The following CFAP57 variants were observed in gnomAD, a reference collection of about 807,000 sequenced individuals.
CFAP57 encodes cilia- and flagella-associated protein 57.
A neutral mutation model predicts 146.8 loss-of-function variants in CFAP57; 116 were observed. The observed-to-expected ratio is 0.79, with a 90% CI of 0.68 to 0.92. The LOEUF is 0.92. Ranked by LOEUF, CFAP57 falls within the 40% of genes least tolerant of loss-of-function variation. CFAP57 has a pLI of 0.00. For synonymous variants in CFAP57, 518 were observed against 552.8 expected (o/e 0.94, Z 0.88); for missense variants, 1,377 against 1,527.2 (o/e 0.90, Z 1.64).
intron 5 of CFAP57, 134 bp from the exon 6 acceptor site, chr1:43,186,573 T>C: frequency 4.4e-6 from 4 of 908,900 alleles, no homozygotes; most frequent in Non-Finnish European, 6.4e-6. Flanking sequence ...ATAGTGCCAC[T>C]GCACTCTGGC....
At chr1:43,224,344 G>A (rs1477988971) in intron 17 of CFAP57, 140 bp downstream of exon 17, 2 of 1,015,806 alleles carry the variant, frequency 2.0e-6, no homozygotes, top group South Asian at 2.0e-5. Flanking sequence ...TCAGTGAAGT[G>A]CCTGTTGTGT....
Position 43,199,518 on chromosome 1 carries a change from A to G in CFAP57, c.1542+15A>G, listed in dbSNP as rs754519729. ...ACACAGGGAAGGTAAGTGAGTGAACAGTCTCTGGGGAAACAAGGGGCACGG... is the reference window on the plus strand; with the variant it reads ...ACACAGGGAAGGTAAGTGAGTGAACGGTCTCTGGGGAAACAAGGGGCACGG... On this transcript the variant is annotated intron_variant, in intron 9 of 22. Coordinates refer to ENST00000372492, the MANE Select transcript of CFAP57 (RefSeq NM_001378189.1). 33 of 1,613,332 alleles carry G rather than the reference A, an allele frequency of 2.0e-5. No individual in the cohort carries two copies. The highest frequency in any genetic ancestry group is 2.7e-5 in the Non-Finnish European group (32 of 1,179,366).
At chr1:43,245,078 G>A (rs1332176709) in intron 22 of CFAP57, among the ~76,000 whole-genome samples, 1 of 152,234 alleles carries the variant, frequency 6.6e-6, no homozygotes, top group Non-Finnish European at 1.5e-5. Context: ...GGGAGGCCAA[G>A]GCGAGCGGAA....
At chr1:43,241,676 G>A (rs974305269) in intron 21 of CFAP57, among the ~76,000 whole-genome samples, 1 of 152,190 alleles carries the variant, frequency 6.6e-6, no homozygotes, top group African/African-American at 2.4e-5. Context: ...CTTTGCAACT[G>A]AAAGTGTGGT....
rs772977620 is a variant in CFAP57 at position 43,172,852 on chromosome 1, T to C, written c.99T>C (p.Pro33=). 1 of 1,614,180 alleles carries C rather than the reference T, an allele frequency of 6.2e-7. No individual in the cohort carries two copies. Among genetic ancestry groups the C allele is most frequent in the Non-Finnish European group, 8.5e-7 (1 of 1,180,004 alleles). The part of the protein sequence containing the change: ...FYFDEQIIIF[P]SGNHCVKYNV... ...TCGATGAACAGATCATTATATTTCCTTCAGGAAATCACTGTGTGAAGTACA... is the reference window on the plus strand; with the variant it reads ...TCGATGAACAGATCATTATATTTCCCTCAGGAAATCACTGTGTGAAGTACA... Residue 33 remains proline (P), a synonymous_variant, in exon 2 of 23, where the codon CCT becomes CCC. Coordinates refer to ENST00000372492, the MANE Select transcript of CFAP57 (RefSeq NM_001378189.1).
At chr1:43,180,900 G>C (rs1419307596) in intron 2 of CFAP57, among the ~76,000 whole-genome samples, 1 of 151,974 alleles carries the variant, frequency 6.6e-6, no homozygotes, top group South Asian at 2.1e-4. Context: ...CAATGCTCCA[G>C]CAACACCCAC....
In CFAP57 at chr1:43,172,383, G is replaced by C; in HGVS notation, c.-90G>C. ...CGCTACGGCGTTTGAAAGTGTCCGG[G>C]TTGCTTAGGATCCCTACAGGTAGCG... On this transcript the variant is annotated 5_prime_UTR_variant, in exon 1 of 23. Transcript: ENST00000372492. The C allele has an allele frequency of 6.4e-7, 1 of 1,551,558 alleles. No individual in the cohort carries two copies. Among genetic ancestry groups the C allele is most frequent in the Non-Finnish European group, 8.7e-7 (1 of 1,146,978 alleles).
At chr1:43,220,124 G>C (rs185311489) in intron 13 of CFAP57, among the ~76,000 whole-genome samples, 2 of 152,196 alleles carry the variant, frequency 1.3e-5, no homozygotes, top group Admixed American at 1.3e-4. Flanking sequence ...ATAGATAACA[G>C]TATAATTATC....
intron 2 of CFAP57, among the ~76,000 whole-genome samples, chr1:43,176,925 GT>G (rs1645195300): frequency 6.6e-6 from 1 of 152,074 alleles, no homozygotes; most frequent in African/African-American, 2.4e-5. Flanking sequence ...GGTGCTTATT[GT>G]GTTGGAGGAA....
chr1:43,200,212 G>A (rs951118331), intron 9 of CFAP57, among the ~76,000 whole-genome samples: 3 of 152,164 alleles, frequency 2.0e-5, no homozygotes, highest in Non-Finnish European at 2.9e-5. Flanking sequence ...AAGTAAAGTC[G>A]TGGTGGCTTA....
At chr1:43,204,456 C>T (rs893834945) in intron 9 of CFAP57, among the ~76,000 whole-genome samples, 4 of 151,988 alleles carry the variant, frequency 2.6e-5, no homozygotes, top group African/African-American at 4.8e-5. Context: ...ATATTTTAGA[C>T]AATATATTGT....
intron 18 of CFAP57, among the ~76,000 whole-genome samples, chr1:43,230,789 G>A (rs755580396): frequency 2.6e-5 from 4 of 152,232 alleles, no homozygotes; most frequent in Non-Finnish European, 5.9e-5. Flanking sequence ...CTTAACTGCA[G>A]TGTTTATCCT....
At chr1:43,221,572 C>G (rs1213514968) in intron 14 of CFAP57, 107 bp downstream of exon 14, 7 of 701,236 alleles carry the variant, frequency 1.0e-5, no homozygotes, top group Non-Finnish European at 1.3e-5. Context: ...GAATATGGCT[C>G]TGTCTAAAAA....
intron 19 of CFAP57, among the ~76,000 whole-genome samples, chr1:43,234,037 C>T (rs1267435123): frequency 1.3e-5 from 2 of 152,010 alleles, no homozygotes; most frequent in Admixed American, 1.3e-4. Flanking sequence ...AGGATGAAGC[C>T]CCATGTAGGC....
At position 43,181,773 on chromosome 1, in the gene CFAP57, C is replaced by G; in HGVS notation, c.397C>G (p.Leu133Val). ...TCAGACGTCACCTCCAGAGTCAAATCTTGTCTACTGGCTGTGGGAAAAACA... is the reference window on the plus strand; with the variant it reads ...TCAGACGTCACCTCCAGAGTCAAATGTTGTCTACTGGCTGTGGGAAAAACA... ...LAQTSPPESNLVYWLWEKQKV... is the reference protein window; with the variant it reads ...LAQTSPPESNVVYWLWEKQKV... The change falls in exon 3 of 23, where the codon CTT becomes GTT. Residue 133 changes from leucine to valine, a missense_variant. Physicochemically the swap from Leu to Val is conservative, Grantham distance 32 (BLOSUM62 1). Transcript: ENST00000372492. The G allele has an allele frequency of 6.2e-7, 1 of 1,614,170 alleles. No homozygotes were observed. Among genetic ancestry groups the G allele is most frequent in the Non-Finnish European group, 8.5e-7 (1 of 1,180,028 alleles).
intron 1 of CFAP57, 103 bp downstream of exon 1, chr1:43,172,556 G>T: frequency 1.2e-6 from 1 of 824,312 alleles, no homozygotes; most frequent in Non-Finnish European, 1.8e-6. Context: ...GCGCGGAGGA[G>T]GACCCCGGGG....
chr1:43,196,958 G>A (rs1406869728), intron 6 of CFAP57, among the ~76,000 whole-genome samples: 1 of 152,108 alleles, frequency 6.6e-6, no homozygotes, highest in Non-Finnish European at 1.5e-5. Context: ...AACAAAAATT[G>A]GAAGCCACTT....
intron 19 of CFAP57, 111 bp from the exon 20 acceptor site, chr1:43,234,168 C>G: frequency 8.1e-7 from 1 of 1,241,302 alleles, no homozygotes; most frequent in Admixed American, 2.9e-5. Context: ...AGCTGTAAGT[C>G]CCAGATGAGG....
chr1:43,203,251 C>A lies in CFAP57; in HGVS notation c.1543-3469C>A, dbSNP rs573442650. The stretch of plus-strand genomic sequence containing the variant: ...TACAAAGAAAACTCTAGGCCCAGAT[C>A]TTATCACTGGGGAATTTTATCAACA... On this transcript the variant is annotated intron_variant, in intron 9 of 22. Coordinates refer to ENST00000372492, the MANE Select transcript of CFAP57 (RefSeq NM_001378189.1). 3.3e-5 allele frequency among the ~76,000 whole-genome samples: 5 copies of A among 151,986 alleles called. No individual in the cohort carries two copies. In the South Asian group the frequency reaches 1.0e-3, roughly 32 times the overall value.
Sources: allele counts gnomAD v4.1 joint callset (sites outside exome capture counted in the v4.1 genomes callset), GRCh38; gene constraint gnomAD v4.1.1; transcripts MANE v1.5; gene names NCBI Gene and HGNC (gene_info 2026-07-23, HGNC 2026-07-21).